DAB1: variants seen among roughly 807,000 people sequenced by gnomAD.
The protein encoded by DAB1 is disabled homolog 1.
Under a neutral mutation model 64.6 loss-of-function variants are expected in DAB1, and 15 were observed. The ratio of observed to expected loss-of-function variants is 0.23; its 90% CI spans 0.16 to 0.36. DAB1 has a LOEUF of 0.36. Ranked by LOEUF, DAB1 falls within the 10% of genes least tolerant of loss-of-function variation. The probability of loss-of-function intolerance (pLI) is 1.00; values close to 1 mark genes in which losing one functional copy is unlikely to be tolerated. For missense variants in DAB1, 596 were observed against 706.7 expected (o/e 0.84, Z 1.78); for synonymous variants, 235 against 251.9 (o/e 0.93, Z 0.64).
rs542153027 is a variant in DAB1 at position 57,259,950 on chromosome 1, A to G, written c.67+31014T>C. Among the ~76,000 whole-genome samples, 15 of 152,296 alleles carry G rather than the reference A, an allele frequency of 9.8e-5. No homozygotes were observed. In the East Asian group the frequency reaches 2.9e-3, roughly 29 times the overall value. On this transcript the variant is annotated intron_variant, in intron 2 of 14. Transcript: ENST00000371236. Reference sequence around the variant, plus strand: ...AGAGAGATTTTTTAAAAAGCAGGACACAAGTTTACACATTTCATAGTTTGT... The same window carrying G: ...AGAGAGATTTTTTAAAAAGCAGGACGCAAGTTTACACATTTCATAGTTTGT...
chr1:58,483,330 G>C (rs1645521249), intron 3 of DAB1, among the ~76,000 whole-genome samples: 1 of 152,128 alleles, frequency 6.6e-6, no homozygotes, highest in Admixed American at 6.6e-5. Context: ...ACAGGTTCTT[G>C]TATGCTAACA....
chr1:57,518,295 G>T (rs1644486546), intron 7 of DAB1, among the ~76,000 whole-genome samples: 1 of 152,042 alleles, frequency 6.6e-6, no homozygotes, highest in Non-Finnish European at 1.5e-5. Flanking sequence ...ACTGGAATCT[G>T]CTGTGCTCAC....
At chr1:58,126,803 G>A (rs1185579384) in intron 5 of DAB1, among the ~76,000 whole-genome samples, 3 of 151,302 alleles carry the variant, frequency 2.0e-5, no homozygotes, top group Non-Finnish European at 4.4e-5. Flanking sequence ...ATTTTTTATG[G>A]CTGCATAGTA....
intron 7 of DAB1, among the ~76,000 whole-genome samples, chr1:57,475,829 A>G (rs774194867): frequency 3.3e-5 from 5 of 152,208 alleles, no homozygotes; most frequent in Non-Finnish European, 5.9e-5. Flanking sequence ...TGTTATCTTC[A>G]TATTCTGAGA....
chr1:57,331,712 A>G (rs889098886), intron 1 of DAB1, among the ~76,000 whole-genome samples: 1 of 152,224 alleles, frequency 6.6e-6, no homozygotes, highest in African/African-American at 2.4e-5. Context: ...TTTAAAAGAC[A>G]AATTCTCAAA....
intron 5 of DAB1, among the ~76,000 whole-genome samples, chr1:57,907,040 A>G (rs1369085322): frequency 6.6e-6 from 1 of 152,212 alleles, no homozygotes; most frequent in East Asian, 1.9e-4. Context: ...GCTTCAGGGA[A>G]CTGAATGTAA....
chr1:58,447,442 A>G (rs578261446), intron 3 of DAB1, among the ~76,000 whole-genome samples: 1 of 152,146 alleles, frequency 6.6e-6, no homozygotes, highest in Non-Finnish European at 1.5e-5. Flanking sequence ...TTTTTTTCCT[A>G]TTGATATTCA....
At chr1:58,251,167 G>A (rs1326684399) in intron 4 of DAB1, among the ~76,000 whole-genome samples, 1 of 152,204 alleles carries the variant, frequency 6.6e-6, no homozygotes, top group Admixed American at 6.5e-5. Context: ...AGCAAAACAT[G>A]AGTTTTTCTT....
At chr1:57,019,442 A>G (rs1324204266) in intron 11 of DAB1, among the ~76,000 whole-genome samples, 1 of 152,146 alleles carries the variant, frequency 6.6e-6, no homozygotes, top group East Asian at 1.9e-4. Context: ...GCTTCATGCC[A>G]TCTGCTCCAG....
Position 58,481,070 on chromosome 1 carries a change from T to C in DAB1, n.257+24990A>G, listed in dbSNP as rs1355117796. ...GTTTCTTCGTGATATTTAGGTCTTC[T>C]TTCTCTGATTCTTCAAGAAAATGCT... On this transcript the variant is annotated intron_variant and non_coding_transcript_variant, in intron 3 of 20. Coordinates refer to the DAB1 transcript ENST00000485760. 8.0e-6 allele frequency: 7 copies of C among 872,132 alleles called. No individual in the cohort carries two copies. The East Asian group carries it at 1.4e-4, about 18-fold the overall frequency. The allele number at this position is 872,132 out of a possible 1,614,324, so 54.0% of individuals were successfully genotyped here. A position where few individuals can be genotyped will look rare whatever the true frequency, so the allele number is the denominator to read the frequency against.
intron 7 of DAB1, 21 bp downstream of exon 7, chr1:57,071,002 C>A: frequency 6.2e-7 from 1 of 1,605,638 alleles, no homozygotes; most frequent in Non-Finnish European, 8.5e-7. Flanking sequence ...ATCTAAAACC[C>A]CGACTAGTTT....
chr1:57,364,942 T>C (rs1679855442), intron 1 of DAB1, among the ~76,000 whole-genome samples: 1 of 149,386 alleles, frequency 6.7e-6, no homozygotes, highest in African/African-American at 2.4e-5. Context: ...GGTATCAGGA[T>C]GCTATGAAGG....
At chr1:57,437,979 C>T (rs1685759239) in intron 7 of DAB1, among the ~76,000 whole-genome samples, 1 of 152,334 alleles carries the variant, frequency 6.6e-6, no homozygotes, top group Admixed American at 6.5e-5. Flanking sequence ...TGTTCTGGCC[C>T]TCATTTCCCT....
At position 58,432,003 on chromosome 1, in the gene DAB1, C is replaced by T. The variant is rs183072092; in HGVS notation, n.257+74057G>A. Reference sequence around the variant, plus strand: ...GGCTTGAACATAGATTTCTCAGAAGCTCTGGAGCGATGGGTTTGGAACAAA... The same window carrying T: ...GGCTTGAACATAGATTTCTCAGAAGTTCTGGAGCGATGGGTTTGGAACAAA... On this transcript the variant is annotated intron_variant and non_coding_transcript_variant, in intron 3 of 20. Coordinates refer to the DAB1 transcript ENST00000485760. Among the ~76,000 whole-genome samples the T allele has an allele frequency of 3.9e-5, 6 of 152,310 alleles. No homozygotes were observed. The East Asian group carries it at 9.7e-4, about 25-fold the overall frequency.
intron 5 of DAB1, among the ~76,000 whole-genome samples, chr1:58,129,351 T>C (rs1381315289): frequency 1.4e-5 from 2 of 147,276 alleles, no homozygotes; most frequent in African/African-American, 5.0e-5. Flanking sequence ...TCTCTCTTTT[T>C]TTCTTTATTA....
chr1:57,131,490 C>G (rs1376631075), intron 4 of DAB1, among the ~76,000 whole-genome samples: 1 of 152,132 alleles, frequency 6.6e-6, no homozygotes, highest in African/African-American at 2.4e-5. Context: ...CTTCTGAGTC[C>G]CAGAGAACAC....
chr1:58,055,724 A>G (rs942905651), intron 5 of DAB1, among the ~76,000 whole-genome samples: 7 of 152,114 alleles, frequency 4.6e-5, no homozygotes, highest in African/African-American at 1.7e-4. Flanking sequence ...CAGGCCTTCA[A>G]GAAAGGGTCT....
intron 2 of DAB1, among the ~76,000 whole-genome samples, chr1:57,235,365 TG>T (rs1349922544): frequency 6.6e-6 from 1 of 152,218 alleles, no homozygotes; most frequent in Non-Finnish European, 1.5e-5. Flanking sequence ...AGATGTTATT[TG>T]TAGTAATGAC....
At chr1:58,216,887 T>A (rs1162051126) in intron 4 of DAB1, among the ~76,000 whole-genome samples, 1 of 152,192 alleles carries the variant, frequency 6.6e-6, no homozygotes, top group Non-Finnish European at 1.5e-5. Flanking sequence ...ATATTTTGAA[T>A]GTCTGATTCA....
Sources: allele counts gnomAD v4.1 joint callset (sites outside exome capture counted in the v4.1 genomes callset), GRCh38; gene constraint gnomAD v4.1.1; transcripts MANE v1.5; gene names NCBI Gene and HGNC (gene_info 2026-07-23, HGNC 2026-07-21).